Variants in IL3RA observed in about 807,000 individuals in gnomAD.
IL3RA encodes the protein interleukin 3 receptor subunit alpha, also known as interleukin-3 receptor subunit alpha.
In IL3RA, 73 loss-of-function variants were observed where a neutral mutation model predicts 52.3. The ratio of observed to expected loss-of-function variants is 1.40; its 90% CI spans 1.16 to 1.70. The LOEUF (loss-of-function observed/expected upper bound fraction) is 1.70, where lower values mean the gene tolerates loss of function less well. Among genes scored for constraint, IL3RA ranks in the 40% most tolerant of loss-of-function variants. The pLI, the probability that IL3RA is intolerant of heterozygous loss-of-function variation, is 0.00. For missense variants in IL3RA, 664 were observed against 504.4 expected (o/e 1.32, Z -3.03); for synonymous variants, 260 against 194.0 (o/e 1.34, Z -2.83).
intron 11 of IL3RA, among the ~76,000 whole-genome samples, chrX:1,381,529 G>A (rs1162579427): frequency 6.6e-6 from 1 of 151,324 alleles, no homozygotes. Flanking sequence ...GCACACCAGA[G>A]CAGAGCAGAT....
chrX:1,348,658 C>CTTTCTTTCTT, intron 4 of IL3RA, 113 bp downstream of exon 4: 1 of 428,394 alleles, frequency 2.3e-6, no homozygotes, highest in South Asian at 3.0e-5. Flanking sequence ...TTCTTTCTTT[C>CTTTCTTTCTT]TTTCTTTCTT....
intron 10 of IL3RA, among the ~76,000 whole-genome samples, chrX:1,380,001 C>T (rs1233261229): frequency 6.6e-6 from 1 of 152,094 alleles, no homozygotes; most frequent in African/African-American, 2.4e-5. Context: ...CTCATGTGAT[C>T]CACCCGCCTC....
intron 11 of IL3RA, among the ~76,000 whole-genome samples, chrX:1,382,054 C>T (rs765099237): frequency 8.6e-5 from 13 of 151,660 alleles, no homozygotes; most frequent in Non-Finnish European, 1.5e-4. Flanking sequence ...AAGGTTCAAG[C>T]GATTCTCCTG....
intron 7 of IL3RA, among the ~76,000 whole-genome samples, chrX:1,357,322 G>A (rs148026835): frequency 0.027 from 4,082 of 151,498 alleles, 172 homozygotes; most frequent in African/African-American, 0.095. Flanking sequence ...TTTTGAGACG[G>A]AGTCCTGCTC....
At chrX:1,356,918 T>A (rs1336638060) in intron 7 of IL3RA, among the ~76,000 whole-genome samples, 1 of 152,186 alleles carries the variant, frequency 6.6e-6, no homozygotes, top group Non-Finnish European at 1.5e-5. Flanking sequence ...TTCCCAGATA[T>A]TTTTGATCCA....
At chrX:1,360,831 CTCTT>C (rs1278896721) in intron 8 of IL3RA, among the ~76,000 whole-genome samples, 4 of 151,744 alleles carry the variant, frequency 2.6e-5, no homozygotes, top group African/African-American at 7.3e-5. Context: ...CCCGGCCCCT[CTCTT>C]TATCTTTCTA....
chrX:1,349,249 T>C (rs1343425395), intron 4 of IL3RA, among the ~76,000 whole-genome samples: 2 of 150,888 alleles, frequency 1.3e-5, no homozygotes, highest in African/African-American at 4.9e-5. Flanking sequence ...TGGCGCGATC[T>C]CGGCTCACTG....
chrX:1,352,286 C>T lies in IL3RA; in HGVS notation c.432-36C>T, dbSNP rs563390785. 835 of 1,613,034 alleles carry T rather than the reference C, an allele frequency of 5.2e-4. 13 individuals carry two copies. In the South Asian group the frequency reaches 8.6e-3, roughly 17 times the overall value. ...CTGTCCCTGGTGCGGGTGCCATCGG[C>T]GTGGGGTCGTCCCCCAACCTTACCG... On this transcript the variant is annotated intron_variant, in intron 5 of 11. Coordinates refer to ENST00000331035, the MANE Select transcript of IL3RA (RefSeq NM_002183.4).
intron 9 of IL3RA, among the ~76,000 whole-genome samples, chrX:1,367,728 C>G (rs866171386): frequency 0.013 from 528 of 40,200 alleles, 10 homozygotes; most frequent in African/African-American, 0.041. Context: ...CGGGGTGCGC[C>G]GGGTGAGCGG....
chrX:1,352,650 G>A (rs2148969745), intron 6 of IL3RA, 144 bp downstream of exon 6: 2 of 820,150 alleles, frequency 2.4e-6, no homozygotes, highest in South Asian at 1.8e-5. Flanking sequence ...GGAGGTCAGC[G>A]TGCTGGCTGG....
Position 1,365,137 on chromosome X carries a change from G to A in IL3RA, c.760-1G>A, listed in dbSNP as rs745587538. 5.6e-6 allele frequency: 9 copies of A among 1,605,160 alleles called. No homozygotes were observed. Among genetic ancestry groups the A allele is most frequent in the African/African-American group, 1.3e-5 (1 of 74,668 alleles). ...CTTCTTTATTTTCTTTCAAACCACA[G>A]GTCAGAGACAGAACCTCCTTCCAGC... On this transcript the variant is annotated splice_acceptor_variant, in intron 8 of 11. Transcript: ENST00000331035. LOFTEE classifies it high-confidence loss of function.
In IL3RA at chrX:1,381,065, G is replaced by A; in HGVS notation, c.1023G>A (p.Met341Ile). The A allele has an allele frequency of 6.2e-7, 1 of 1,613,858 alleles. No individual in the cohort carries two copies. Among genetic ancestry groups the A allele is most frequent in the Non-Finnish European group, 8.5e-7 (1 of 1,179,822 alleles). ...GACTCTTTCCCCGCATCCCTCACATGAAAGACCCCATCGGTGACAGCTTCC... is the reference window on the plus strand; with the variant it reads ...GACTCTTTCCCCGCATCCCTCACATAAAAGACCCCATCGGTGACAGCTTCC... Reference protein sequence around the residue: ...MQRLFPRIPHMKDPIGDSFQN... With the variant: ...MQRLFPRIPHIKDPIGDSFQN... Residue 341 changes from methionine (M) to isoleucine (I), a missense_variant, in exon 11 of 12, where the codon ATG becomes ATA. Physicochemically the swap from Met to Ile is conservative, Grantham distance 10. Transcript: ENST00000331035.
rs754301110 is a variant in IL3RA at position 1,364,790 on chromosome X, T to TTTTATTATTTTATTTA, written c.760-342_760-341insATTTTATTTATTTATT. Reference sequence around the variant, plus strand: ...GTAGCACCCAGCCCCTCTTTTCTTCTTTTATTTATTTATTTATTTATTTAT... The same window carrying TTTTATTATTTTATTTA: ...GTAGCACCCAGCCCCTCTTTTCTTCTTTTATTATTTTATTTATTTATTTATTTATTTATTTATTTAT... On this transcript the variant is annotated intron_variant, in intron 8 of 11. Transcript: ENST00000331035. Among the ~76,000 whole-genome samples, 481 of 141,798 alleles carry TTTTATTATTTTATTTA rather than the reference T, an allele frequency of 3.4e-3. 2 individuals carry two copies. The highest frequency in any genetic ancestry group is 0.011 in the Middle Eastern group (3 of 270). 93.0% of individuals were successfully genotyped at this position (141,798 alleles called of 152,430 possible).
chrX:1,360,112 CCT>C (rs1213275671), intron 8 of IL3RA, among the ~76,000 whole-genome samples: 49 of 144,248 alleles, frequency 3.4e-4, no homozygotes, highest in African/African-American at 1.1e-3. Flanking sequence ...TCTATCTCCC[CCT>C]CTCCCCGTCT....
Position 1,378,723 on chromosome X carries a change from G to C in IL3RA, c.939G>C (p.Gly313=). ...AWRTSLLIAL[G]TLLALVCVFV... is the part of the protein sequence containing the mutation. The stretch of plus-strand genomic sequence containing the variant: ...GGACGTCGCTGCTGATCGCGCTGGG[G>C]ACGCTGCTGGCCCTGGTCTGTGTCT... The change falls in exon 10 of 12, where the codon GGG becomes GGC. Residue 313 remains glycine, a synonymous_variant. Transcript: ENST00000331035. The C allele has an allele frequency of 1.2e-6, 2 of 1,612,564 alleles. No homozygotes were observed. The highest frequency in any genetic ancestry group is 1.7e-6 in the Non-Finnish European group (2 of 1,179,856).
At chrX:1,341,643 G>C (rs1381961274) in intron 1 of IL3RA, 85 bp from the exon 2 acceptor site, 8 of 1,002,112 alleles carry the variant, frequency 8.0e-6, no homozygotes, top group Non-Finnish European at 1.2e-5. Flanking sequence ...TGAGCACCAG[G>C]CTCTGGAAGG....
chrX:1,364,137 G>A (rs1277295019), intron 8 of IL3RA, among the ~76,000 whole-genome samples: 8 of 150,752 alleles, frequency 5.3e-5, no homozygotes, highest in African/African-American at 1.5e-4. Context: ...GCAGTGAGCC[G>A]AGATCACGCC....
At chrX:1,354,701 AGAGAAGAAAATGGAGGG>A (rs2086502604) in intron 6 of IL3RA, among the ~76,000 whole-genome samples, 3 of 75,868 alleles carry the variant, frequency 4.0e-5, no homozygotes, top group South Asian at 7.2e-4. Flanking sequence ...AGGGGGAGGA[AGAGAAGAAAATGGAGGG>A]AAAGGAGGGG....
intron 2 of IL3RA, 151 bp downstream of exon 2, chrX:1,341,980 C>T (rs2085514006): frequency 2.5e-6 from 2 of 807,848 alleles, no homozygotes; most frequent in South Asian, 1.6e-5. Context: ...CAGACACTTC[C>T]CTGTACCCGT....
Sources: allele counts gnomAD v4.1 joint callset (sites outside exome capture counted in the v4.1 genomes callset), GRCh38; gene constraint gnomAD v4.1.1; transcripts MANE v1.5; gene names NCBI Gene and HGNC (gene_info 2026-07-23, HGNC 2026-07-21).